Variants in ST8SIA5 observed in about 807,000 individuals in gnomAD.
ST8SIA5 encodes ST8 alpha-N-acetyl-neuraminide alpha-2,8-sialyltransferase 5.
Under a neutral mutation model 40.2 loss-of-function variants are expected in ST8SIA5, and 24 were observed. That is an observed-to-expected ratio of 0.60 (90% CI 0.43 to 0.84). ST8SIA5 has a LOEUF of 0.84. Among genes scored for constraint, ST8SIA5 ranks in the 40% least tolerant of loss-of-function variants. ST8SIA5 has a pLI of 0.00. For missense variants in ST8SIA5, 465 were observed against 498.5 expected (o/e 0.93, Z 0.64); for synonymous variants, 198 against 201.8 (o/e 0.98, Z 0.16).
At chr18:46,720,548 A>G (rs1311654441) in intron 1 of ST8SIA5, among the ~76,000 whole-genome samples, 1 of 152,206 alleles carries the variant, frequency 6.6e-6, no homozygotes, top group African/African-American at 2.4e-5. Context: ...TGCAGGGTCA[A>G]TTTAATGTTT....
chr18:46,701,162 G>GTTTTTTTT (rs2039611549), intron 2 of ST8SIA5, among the ~76,000 whole-genome samples: 1 of 100,954 alleles, frequency 9.9e-6, no homozygotes, highest in African/African-American at 4.0e-5. Flanking sequence ...TTTTTTTTAG[G>GTTTTTTTT]TGGTGTCTTG....
rs2039285678 is a variant in ST8SIA5, at chr18:46,668,074, T to C, written c.*11968A>G. 1 of 152,260 alleles carries C rather than the reference T, an allele frequency of 6.6e-6. No individual in the cohort carries two copies. Among genetic ancestry groups the C allele is most frequent in the Non-Finnish European group, 1.5e-5 (1 of 68,082 alleles). The allele number at this position is 152,260 out of a possible 1,614,324, so 9.4% of individuals were successfully genotyped here. On this transcript the variant is annotated 3_prime_UTR_variant, in exon 7 of 7. Coordinates refer to ENST00000315087, the MANE Select transcript of ST8SIA5 (RefSeq NM_013305.6). ...CCCATGTCCCCAAACTGTCTTTGAA[T>C]GGCACAGCCTTTCTCTCCAGGGCCA...
chr18:46,729,199 C>T (rs1249208723), intron 1 of ST8SIA5, among the ~76,000 whole-genome samples: 3 of 152,184 alleles, frequency 2.0e-5, no homozygotes, highest in Non-Finnish European at 4.4e-5. Context: ...ACTCTCCAAC[C>T]CCCTACACCT....
intron 2 of ST8SIA5, among the ~76,000 whole-genome samples, chr18:46,703,986 TA>T (rs1055995491): frequency 1.3e-5 from 2 of 151,310 alleles, no homozygotes; most frequent in Non-Finnish European, 2.9e-5. Context: ...ACCATTTATG[TA>T]AAAAAAAACT....
At chr18:46,699,570 G>A (rs973903397) in intron 2 of ST8SIA5, among the ~76,000 whole-genome samples, 3 of 152,064 alleles carry the variant, frequency 2.0e-5, no homozygotes, top group Non-Finnish European at 2.9e-5. Context: ...CAGTAGAGAC[G>A]GGGTTTCACA....
intron 1 of ST8SIA5, among the ~76,000 whole-genome samples, chr18:46,722,392 CA>C (rs1332789959): frequency 6.6e-6 from 1 of 152,206 alleles, no homozygotes; most frequent in Non-Finnish European, 1.5e-5. Flanking sequence ...TTTCTCTTAT[CA>C]GAGACTCTGC....
In ST8SIA5 at chr18:46,688,893, G is replaced by T. The variant is rs1381351967; in HGVS notation, c.338C>A (p.Ala113Asp). The change falls in exon 4 of 7, where the codon GCC becomes GAC. Residue 113 changes from alanine to aspartate, a missense_variant. Transcript: ENST00000315087. The stretch of plus-strand genomic sequence containing the variant: ...CTGGGTGGTGAAGAGAAAGGCAGGG[G>T]CGTTGCAGCACCTGGACAGAGTAGA... ...FKSTLSRCCN[A>D]PAFLFTTQKN... 1.2e-6 allele frequency: 2 copies of T among 1,613,920 alleles called. No individual in the cohort carries two copies. Among genetic ancestry groups the T allele is most frequent in the East Asian group, 2.2e-5 (1 of 44,878 alleles).
intron 1 of ST8SIA5, among the ~76,000 whole-genome samples, chr18:46,710,640 A>G (rs2039722726): frequency 1.7e-5 from 1 of 59,670 alleles, no homozygotes; most frequent in African/African-American, 6.5e-5. Flanking sequence ...TCCCGGGTTC[A>G]AGTGATTCTC....
intron 1 of ST8SIA5, among the ~76,000 whole-genome samples, chr18:46,734,504 A>G (rs2040015998): frequency 6.6e-6 from 1 of 152,106 alleles, no homozygotes; most frequent in South Asian, 2.1e-4. Context: ...CTCAAAGCCT[A>G]AATCTTGTCC....
At position 46,670,160 on chromosome 18, in the gene ST8SIA5, A is replaced by G. The variant is rs1028385733; in HGVS notation, c.*9882T>C. On this transcript the variant is annotated 3_prime_UTR_variant, in exon 7 of 7. Coordinates refer to ENST00000315087, the MANE Select transcript of ST8SIA5 (RefSeq NM_013305.6). ...ATTTATGTGAACTTCCAGGTCACTG[A>G]GCATTTATCTTTTAAGCACCAAGAC... 5.3e-5 allele frequency: 8 copies of G among 152,134 alleles called. No individual in the cohort carries two copies. Among genetic ancestry groups the G allele is most frequent in the Admixed American group, 1.3e-4 (2 of 15,268 alleles). The allele number at this position is 152,134 out of a possible 1,614,324, so 9.4% of individuals were successfully genotyped here. A position where few individuals can be genotyped will look rare whatever the true frequency, so the allele number is the denominator to read the frequency against.
chr18:46,686,142 A>G (rs2144468445), intron 5 of ST8SIA5, 32 bp downstream of exon 5: 5 of 1,592,528 alleles, frequency 3.1e-6, no homozygotes, highest in Non-Finnish European at 4.3e-6. Flanking sequence ...GCCATGGGGT[A>G]GTGGCAAGGG....
At position 46,669,838 on chromosome 18, in the gene ST8SIA5, G is replaced by A. The variant is rs1034953788; in HGVS notation, c.*10204C>T. The A allele has an allele frequency of 7.9e-5, 12 of 152,274 alleles. No individual in the cohort carries two copies. The highest frequency in any genetic ancestry group is 2.6e-4 in the African/African-American group (11 of 41,544). The allele number at this position is 152,274 out of a possible 1,614,324, so 9.4% of individuals were successfully genotyped here. On this transcript the variant is annotated 3_prime_UTR_variant, in exon 7 of 7. Coordinates refer to ENST00000315087, the MANE Select transcript of ST8SIA5 (RefSeq NM_013305.6). ...TATAATCCCAGCACTTTGGGAGGAG[G>A]AGGTGGGCGAATCACGAGGTCAGGA...
chr18:46,711,413 A>C (rs2039730837), intron 1 of ST8SIA5, among the ~76,000 whole-genome samples: 1 of 152,230 alleles, frequency 6.6e-6, no homozygotes, highest in Non-Finnish European at 1.5e-5. Flanking sequence ...TTCAGCTAGT[A>C]AATGGTGGCA....
In ST8SIA5 at chr18:46,673,666, G is replaced by A. The variant is rs2039322394; in HGVS notation, c.*6376C>T. The A allele has an allele frequency of 6.6e-6, 1 of 151,882 alleles. No homozygotes were observed. The highest frequency in any genetic ancestry group is 6.6e-5 in the Admixed American group (1 of 15,250). The allele number at this position is 151,882 out of a possible 1,614,324, so 9.4% of individuals were successfully genotyped here. A position where few individuals can be genotyped will look rare whatever the true frequency, so the allele number is the denominator to read the frequency against. On this transcript the variant is annotated 3_prime_UTR_variant, in exon 7 of 7. Transcript: ENST00000315087. ...CCATGTGATCTTCAAAGGGTAGACT[G>A]TAGATCTATACTGTAGATCTATACT... is the stretch of plus-strand genomic sequence containing the variant.
chr18:46,753,868 G>C (rs1260174347), intron 1 of ST8SIA5, among the ~76,000 whole-genome samples: 1 of 152,160 alleles, frequency 6.6e-6, no homozygotes, highest in Non-Finnish European at 1.5e-5. Context: ...GCTTGTTGCA[G>C]CTTGCAGATC....
chr18:46,753,530 G>A (rs1312197426), intron 1 of ST8SIA5, among the ~76,000 whole-genome samples: 2 of 150,372 alleles, frequency 1.3e-5, no homozygotes, highest in African/African-American at 2.5e-5. Context: ...CTGAGATCGC[G>A]CCACGGCACT....
chr18:46,737,760 T>A (rs2040048742), intron 1 of ST8SIA5, among the ~76,000 whole-genome samples: 1 of 152,056 alleles, frequency 6.6e-6, no homozygotes, highest in Non-Finnish European at 1.5e-5. Flanking sequence ...GATCCCTTAG[T>A]GAATGTTAAT....
At position 46,677,191 on chromosome 18, in the gene ST8SIA5, C is replaced by G. The variant is rs2039344896; in HGVS notation, c.*2851G>C. ...TCCCTGGAGGAGGGCCCCGTACTAT[C>G]CTGCAGGGGCATCTTGGTCAGGATC... On this transcript the variant is annotated 3_prime_UTR_variant, in exon 7 of 7. Coordinates refer to ENST00000315087, the MANE Select transcript of ST8SIA5 (RefSeq NM_013305.6). 1 of 152,246 alleles carries G rather than the reference C, an allele frequency of 6.6e-6. No homozygotes were observed. The highest frequency in any genetic ancestry group is 1.5e-5 in the Non-Finnish European group (1 of 68,082). 9.4% of individuals were successfully genotyped at this position (152,246 alleles called of 1,614,324 possible). A position where few individuals can be genotyped will look rare whatever the true frequency, so the allele number is the denominator to read the frequency against.
In ST8SIA5 at chr18:46,748,594, A is replaced by G. The variant is rs570475589; in HGVS notation, c.131+7784T>C. Among the ~76,000 whole-genome samples the G allele has an allele frequency of 9.2e-5, 14 of 151,512 alleles. 1 individual carries two copies. Among genetic ancestry groups the G allele is most frequent in the Non-Finnish European group, 1.6e-4 (11 of 67,928 alleles). On this transcript the variant is annotated intron_variant, in intron 1 of 6. Transcript: ENST00000315087. ...AAAAAAAGGCAAAGAATCTAAATAGATATTTCTCCAAAGAAGATATGCAAA... is the reference window on the plus strand; with the variant it reads ...AAAAAAAGGCAAAGAATCTAAATAGGTATTTCTCCAAAGAAGATATGCAAA...
Sources: allele counts gnomAD v4.1 joint callset (sites outside exome capture counted in the v4.1 genomes callset), GRCh38; gene constraint gnomAD v4.1.1; transcripts MANE v1.5; gene names NCBI Gene and HGNC (gene_info 2026-07-23, HGNC 2026-07-21).